USP9Y: variants seen among roughly 807,000 people sequenced by gnomAD.
USP9Y encodes the protein ubiquitin specific peptidase 9 Y-linked.
A neutral mutation model predicts 53.1 loss-of-function variants in USP9Y; 41 were observed. The observed-to-expected ratio is 0.77, with a 90% CI of 0.60 to 1.00. The LOEUF is 1.00. USP9Y is among the 50% of genes least tolerant of loss of function. The pLI is 0.00. For synonymous variants in USP9Y, 220 were observed against 173.7 expected, an observed-to-expected ratio of 1.27 and a Z score of -2.09; for missense variants, 567 against 535.8, an observed-to-expected ratio of 1.06 and a Z score of -0.58.
At chrY:12,725,363 G>A in intron 6 of USP9Y, 138 bp downstream of exon 6, 1 of 142,115 alleles carries the variant, frequency 7.0e-6, no homozygotes, top group South Asian at 5.6e-5. Flanking sequence ...AGGTTAGCAT[G>A]GTCTTTAAGA....
chrY:12,739,973 G>T, intron 12 of USP9Y, among the ~76,000 whole-genome samples: 3 of 33,183 alleles, frequency 9.0e-5, no homozygotes, highest in Non-Finnish European at 2.2e-4. Context: ...AAAACATTCT[G>T]GTTCTATGGA....
chrY:12,754,206 C>CGTGT (rs371528539), intron 12 of USP9Y, among the ~76,000 whole-genome samples: 11 of 25,365 alleles, frequency 4.3e-4, no homozygotes, highest in African/African-American at 1.2e-3. Flanking sequence ...ATACATGTTG[C>CGTGT]GTGTGTGTGT....
At chrY:12,855,714 A>G in intron 42 of USP9Y, among the ~76,000 whole-genome samples, 1 of 33,356 alleles carries the variant, frequency 3.0e-5, no homozygotes, top group Non-Finnish European at 7.4e-5. Flanking sequence ...TTATACTGCC[A>G]ATTTATATCA....
At chrY:12,731,932 T>G in intron 7 of USP9Y, among the ~76,000 whole-genome samples, 2 of 33,449 alleles carry the variant, frequency 6.0e-5, no homozygotes, top group Non-Finnish European at 1.5e-4. Flanking sequence ...GTTTTCATTA[T>G]GTGAGGAGTT....
At chrY:12,826,641 A>G (rs377403587) in intron 33 of USP9Y, among the ~76,000 whole-genome samples, 3 of 30,084 alleles carry the variant, frequency 1.0e-4, no homozygotes, top group South Asian at 7.9e-4. Flanking sequence ...ACAGTGGAGA[A>G]AATAGTAAAT....
At chrY:12,858,297 C>T in intron 45 of USP9Y, among the ~76,000 whole-genome samples, 1 of 32,097 alleles carries the variant, frequency 3.1e-5, no homozygotes, top group African/African-American at 1.2e-4. Context: ...CAGAAATTGT[C>T]ACTCTACAGG....
intron 39 of USP9Y, among the ~76,000 whole-genome samples, 161 bp downstream of exon 39, chrY:12,843,354 A>G (rs566518443): frequency 5.9e-5 from 2 of 33,757 alleles, no homozygotes; most frequent in African/African-American, 2.3e-4. Context: ...TGTAACTTTA[A>G]TGGCATTTCT....
intron 10 of USP9Y, among the ~76,000 whole-genome samples, 173 bp from the exon 11 acceptor site, chrY:12,737,984 A>G: frequency 2.9e-5 from 1 of 33,968 alleles, no homozygotes; most frequent in Admixed American, 2.7e-4. Flanking sequence ...TTAATTTTGA[A>G]TTAACACAAC....
intron 16 of USP9Y, among the ~76,000 whole-genome samples, chrY:12,773,240 A>G (rs768663364): frequency 8.3e-4 from 28 of 33,574 alleles, no homozygotes; most frequent in Non-Finnish European, 1.5e-3. Flanking sequence ...CATTTAGTGT[A>G]ATAACCTTAT....
intron 1 of USP9Y, among the ~76,000 whole-genome samples, chrY:12,702,440 A>G: frequency 3.0e-5 from 1 of 33,769 alleles, no homozygotes; most frequent in African/African-American, 1.2e-4. Flanking sequence ...TCCTTGCTGT[A>G]AGGATATATC....
At chrY:12,837,043 A>G in intron 34 of USP9Y, among the ~76,000 whole-genome samples, 2 of 33,105 alleles carry the variant, frequency 6.0e-5, no homozygotes, top group Non-Finnish European at 1.5e-4. Flanking sequence ...ACGATGGCTC[A>G]CACATGTAAT....
chrY:12,726,079 A>G (rs2148280698), intron 6 of USP9Y, among the ~76,000 whole-genome samples: 1 of 34,043 alleles, frequency 2.9e-5, no homozygotes, highest in South Asian at 6.5e-4. Context: ...AATCAAATAT[A>G]TACTTTTTGA....
At chrY:12,841,963 G>A in intron 37 of USP9Y, among the ~76,000 whole-genome samples, 1 of 33,309 alleles carries the variant, frequency 3.0e-5, no homozygotes, top group Non-Finnish European at 7.4e-5. Context: ...CATTGCTCAC[G>A]TTGAAAGATA....
chrY:12,822,970 A>G, intron 33 of USP9Y, among the ~76,000 whole-genome samples: 2 of 32,244 alleles, frequency 6.2e-5, no homozygotes, highest in Middle Eastern at 0.028. Flanking sequence ...GGTTCAAGCA[A>G]TTTTCCTGCC....
intron 42 of USP9Y, among the ~76,000 whole-genome samples, chrY:12,848,165 A>G: frequency 3.0e-5 from 1 of 33,710 alleles, no homozygotes; most frequent in Admixed American, 2.7e-4. Context: ...AAGAATCACC[A>G]TTCTGACTGG....
intron 3 of USP9Y, among the ~76,000 whole-genome samples, chrY:12,719,140 G>T: frequency 2.9e-5 from 1 of 33,947 alleles, no homozygotes; most frequent in South Asian, 6.5e-4. Context: ...ATTCTATACA[G>T]TCCTCTTCCA....
In USP9Y at chrY:12,760,596, A is replaced by G; in HGVS notation, c.1879A>G (p.Ser627Gly). 2.5e-6 allele frequency: 1 copy of G among 398,524 alleles called. No homozygotes were observed. The highest frequency in any genetic ancestry group is 3.5e-6 in the Non-Finnish European group (1 of 283,204). Residue 627 changes from serine (S) to glycine (G), a missense_variant, in exon 15 of 46, where the codon AGC becomes GGC. By Grantham distance (56) the Ser-to-Gly change is moderately conservative. Coordinates refer to ENST00000338981, the MANE Select transcript of USP9Y (RefSeq NM_004654.4). ...AGAAAACCTTGCAACCTACATGAAT[A>G]GCATCAGATTGTATGCTGGAGGTAT... Reference protein sequence around the residue: ...VAENLATYMNSIRLYAGDHED... With the variant: ...VAENLATYMNGIRLYAGDHED...
chrY:12,741,903 C>T, intron 12 of USP9Y, among the ~76,000 whole-genome samples: 1 of 33,755 alleles, frequency 3.0e-5, no homozygotes, highest in Non-Finnish European at 7.3e-5. Context: ...TGCCTCCTTA[C>T]ATTTTTTTGT....
chrY:12,846,877 A>G, intron 40 of USP9Y, 56 bp from the exon 41 acceptor site: 1 of 278,223 alleles, frequency 3.6e-6, no homozygotes, highest in Non-Finnish European at 5.6e-6. Flanking sequence ...GAAGTTTATT[A>G]TTATAATTTT....
Sources: allele counts gnomAD v4.1 joint callset (sites outside exome capture counted in the v4.1 genomes callset), GRCh38; gene constraint gnomAD v4.1.1; transcripts MANE v1.5; gene names NCBI Gene and HGNC (gene_info 2026-07-23, HGNC 2026-07-21).